Variants in ZP3 observed in about 807,000 individuals in gnomAD.
ZP3 encodes the protein zona pellucida sperm-binding protein 3.
Under a neutral mutation model 35.6 loss-of-function variants are expected in ZP3, and 21 were observed. The ratio of observed to expected loss-of-function variants is 0.59; its 90% CI spans 0.42 to 0.85. ZP3 has a LOEUF of 0.85. Among genes scored for constraint, ZP3 ranks in the 40% least tolerant of loss-of-function variants. ZP3 has a pLI of 0.00. For missense variants in ZP3, 437 were observed against 536.5 expected, an observed-to-expected ratio of 0.81 and a Z score of 1.83; for synonymous variants, 207 against 214.5, an observed-to-expected ratio of 0.96 and a Z score of 0.31.
intron 2 of ZP3, among the ~76,000 whole-genome samples, chr7:76,430,244 C>T (rs3789833): frequency 0.19 from 29,285 of 152,100 alleles, 3,094 homozygotes; most frequent in South Asian, 0.29. Flanking sequence ...AGGCTGCGTT[C>T]TAGAATCTGA....
At chr7:76,436,030 C>CAGGGTTTTTTTTTTT (rs1805991993) in intron 5 of ZP3, among the ~76,000 whole-genome samples, 1 of 74,250 alleles carries the variant, frequency 1.3e-5, no homozygotes, top group Non-Finnish European at 2.6e-5. Context: ...CCCCCGCCCC[C>CAGGGTTTTTTTTTTT]TTTTTTTTTT....
chr7:76,441,451 C>G (rs893221941), intron 7 of ZP3, among the ~76,000 whole-genome samples: 3 of 151,898 alleles, frequency 2.0e-5, no homozygotes. Context: ...AGCAATGGCA[C>G]GATCTCTGCT....
At chr7:76,405,179 C>T (rs1804958582) in intron 1 of ZP3, among the ~76,000 whole-genome samples, 2 of 139,844 alleles carry the variant, frequency 1.4e-5, no homozygotes, top group African/African-American at 5.1e-5. Context: ...TCTCGGCTCA[C>T]TGCAACCTCC....
intron 5 of ZP3, among the ~76,000 whole-genome samples, chr7:76,436,817 A>G (rs1484253953): frequency 5.3e-4 from 80 of 152,222 alleles, no homozygotes; most frequent in African/African-American, 1.8e-3. Flanking sequence ...GATGGAGAGA[A>G]GTTTTCACAG....
At chr7:76,425,444 C>T (rs1048130108) in intron 1 of ZP3, among the ~76,000 whole-genome samples, 168 bp downstream of exon 1, 2 of 152,130 alleles carry the variant, frequency 1.3e-5, no homozygotes, top group Non-Finnish European at 2.9e-5. Context: ...TCACCGGACC[C>T]AGGGCAGCTC....
chr7:76,425,220 A>G lies in ZP3; in HGVS notation c.256A>G (p.Thr86Ala), dbSNP rs764426889. The change falls in exon 1 of 8, where the codon ACA (threonine) becomes GCA (alanine). Residue 86 changes from threonine to alanine, a missense_variant. Coordinates refer to ENST00000394857, the MANE Select transcript of ZP3 (RefSeq NM_001110354.2). ...EACEPLVSMD[T>A]EDVVRFEVGL... ...CTGTGAGCCTCTGGTCTCCATGGAC[A>G]CAGAAGATGTGGTCAGGTTTGAGGT... 2 of 1,613,826 alleles carry G rather than the reference A, an allele frequency of 1.2e-6. No homozygotes were observed. The highest frequency in any genetic ancestry group is 1.1e-5 in the South Asian group (1 of 91,084).
intron 1 of ZP3, among the ~76,000 whole-genome samples, chr7:76,426,758 G>A (rs1219988289): frequency 2.0e-5 from 3 of 151,798 alleles, no homozygotes; most frequent in Non-Finnish European, 2.9e-5. Context: ...CCAGGCTGGA[G>A]TGCAATGGCG....
At chr7:76,397,906 G>C in intron 1 of ZP3, 1 of 1,404,380 alleles carries the variant, frequency 7.1e-7, no homozygotes, top group South Asian at 1.5e-5. Context: ...AGGGCAGCCC[G>C]GTGTCCCAGG....
At chr7:76,440,970 G>A (rs578032436) in intron 7 of ZP3, among the ~76,000 whole-genome samples, 342 of 152,142 alleles carry the variant, frequency 2.2e-3, no homozygotes, top group African/African-American at 7.7e-3. Flanking sequence ...TCAGGAGTTC[G>A]AGACCAGCCT....
At chr7:76,404,650 G>T in intron 1 of ZP3, 1 of 649,662 alleles carries the variant, frequency 1.5e-6, no homozygotes, top group South Asian at 1.9e-5. Flanking sequence ...TAAAAATGAG[G>T]CCGGGTGTGG....
At chr7:76,403,349 T>C (rs10277666) in intron 1 of ZP3, among the ~76,000 whole-genome samples, 39,714 of 151,512 alleles carry the variant, frequency 0.26, 5,593 homozygotes, top group East Asian at 0.4. Context: ...CTCCACTTCT[T>C]TTTTTTGAGA....
At chr7:76,424,353 G>A (rs1173241236), upstream of ZP3, among the ~76,000 whole-genome samples, 1 of 152,208 alleles carries the variant, frequency 6.6e-6, no homozygotes, top group Admixed American at 6.5e-5. Context: ...GCTGGGGCGG[G>A]CGCGGTGGCT....
At chr7:76,433,400 C>G in intron 3 of ZP3, 70 bp from the exon 4 acceptor site, 1 of 1,528,056 alleles carries the variant, frequency 6.5e-7, no homozygotes, top group East Asian at 2.3e-5. Flanking sequence ...GGTGATCCAC[C>G]TGCCTCAGCC....
intron 1 of ZP3, chr7:76,400,998 G>A: frequency 6.4e-7 from 1 of 1,550,876 alleles, no homozygotes; most frequent in Non-Finnish European, 8.7e-7. Context: ...GGGCGGGGTG[G>A]GGCACCTACC....
chr7:76,418,018 A>G (rs1805416834), intron 1 of ZP3, among the ~76,000 whole-genome samples: 1 of 148,926 alleles, frequency 6.7e-6, no homozygotes, highest in Non-Finnish European at 1.5e-5. Context: ...GCTCACTGCA[A>G]TCTCCGCCTC....
At chr7:76,433,734 T>C (rs1805908578) in intron 4 of ZP3, 87 bp downstream of exon 4, 1 of 1,392,288 alleles carries the variant, frequency 7.2e-7, no homozygotes, top group African/African-American at 1.4e-5. Flanking sequence ...AGTGTCACTC[T>C]GTAACCCAGG....
chr7:76,416,045 G>A (rs1216967481), intron 1 of ZP3, among the ~76,000 whole-genome samples: 3 of 151,786 alleles, frequency 2.0e-5, no homozygotes, highest in Admixed American at 6.6e-5. Flanking sequence ...CATGAGAATC[G>A]CTTGAACCTG....
At chr7:76,429,850 G>A (rs552938839) in intron 2 of ZP3, among the ~76,000 whole-genome samples, 4 of 152,248 alleles carry the variant, frequency 2.6e-5, no homozygotes, top group Non-Finnish European at 5.9e-5. Flanking sequence ...GCAGCTTAGC[G>A]GAAGCTTCAG....
At position 76,405,299 on chromosome 7, in the gene ZP3, A is replaced by G. The variant is rs867947410; in HGVS notation, c.-67+7502A>G. Among the ~76,000 whole-genome samples the G allele has an allele frequency of 2.4e-3, 116 of 47,974 alleles. 2 individuals are homozygous for G. The highest frequency in any genetic ancestry group is 8.7e-3 in the African/African-American group (85 of 9,778). The allele number at this position is 47,974 out of a possible 152,430, so 31.5% of individuals were successfully genotyped here. A position where few individuals can be genotyped will look rare whatever the true frequency, so the allele number is the denominator to read the frequency against. Reference sequence around the variant, plus strand: ...TATATATATATATATATATATATATATATATATATATATATATGTATTTTT... The same window carrying G: ...TATATATATATATATATATATATATGTATATATATATATATATGTATTTTT... On this transcript the variant is annotated intron_variant, in intron 1 of 8. Coordinates refer to the ZP3 transcript ENST00000336517.
Sources: allele counts gnomAD v4.1 joint callset (sites outside exome capture counted in the v4.1 genomes callset), GRCh38; gene constraint gnomAD v4.1.1; transcripts MANE v1.5; gene names NCBI Gene and HGNC (gene_info 2026-07-23, HGNC 2026-07-21).